Variants in AP2M1 observed in about 807,000 individuals in gnomAD.
AP2M1 encodes the protein AP-2 complex subunit mu.
Under a neutral mutation model 54.5 loss-of-function variants are expected in AP2M1, and 5 were observed. The observed-to-expected ratio is 0.09, with a 90% CI of 0.05 to 0.19. The LOEUF (loss-of-function observed/expected upper bound fraction) is 0.19. Ranked by LOEUF, AP2M1 falls within the 10% of genes least tolerant of loss-of-function variation. The pLI is 1.00. For missense variants in AP2M1, 178 were observed against 580.2 expected, an observed-to-expected ratio of 0.31 and a Z score of 7.12; for synonymous variants, 186 against 208.2, an observed-to-expected ratio of 0.89 and a Z score of 0.92.
rs953700262 is a variant in AP2M1, at chr3:184,182,341, G to A, written c.1061+93G>A. 1.5e-6 allele frequency: 2 copies of A among 1,366,744 alleles called. No homozygotes were observed. The highest frequency in any genetic ancestry group is 2.4e-5 in the Admixed American group (1 of 42,494). 84.7% of individuals were successfully genotyped at this position (1,366,744 alleles called of 1,614,324 possible). On this transcript the variant is annotated intron_variant, in intron 10 of 11. Coordinates refer to ENST00000292807, the MANE Select transcript of AP2M1 (RefSeq NM_004068.4). This position sits in a 1 kb window ranked among gnomAD's most constrained non-coding sequence, Gnocchi z 5.5. ...TGATCCTTCTGAATGAGGGGCAGGG[G>A]AGTGTGCCTGTTTGCTTTTCTAGGA...
In AP2M1 at chr3:184,180,370, G is replaced by A; in HGVS notation, c.423+119G>A. 1 of 1,311,134 alleles carries A rather than the reference G, an allele frequency of 7.6e-7. No individual in the cohort carries two copies. The highest frequency in any genetic ancestry group is 1.1e-6 in the Non-Finnish European group (1 of 945,920). 81.2% of individuals were successfully genotyped at this position (1,311,134 alleles called of 1,614,324 possible). ...CTCCCATGACAGGAAGTGCTGGCCT[G>A]AGCCTCCTGCCATGATTGCAGGCCG... On this transcript the variant is annotated intron_variant, in intron 4 of 11. Coordinates refer to ENST00000292807, the MANE Select transcript of AP2M1 (RefSeq NM_004068.4). This position sits in a 1 kb window ranked among gnomAD's most constrained non-coding sequence, Gnocchi z 4.9.
rs1048238597 is a variant in AP2M1, at chr3:184,181,396, G to C, written c.707+170G>C. 3 of 1,070,902 alleles carry C rather than the reference G, an allele frequency of 2.8e-6. No homozygotes were observed. Among genetic ancestry groups the C allele is most frequent in the Non-Finnish European group, 1.3e-6 (1 of 748,540 alleles). 66.3% of individuals were successfully genotyped at this position (1,070,902 alleles called of 1,614,324 possible). On this transcript the variant is annotated intron_variant, in intron 7 of 11. Transcript: ENST00000292807. The surrounding 1 kb of genome is among the most constrained non-coding windows in gnomAD (Gnocchi z 5.7). Reference sequence around the variant, plus strand: ...ACATTAGTGCTACGAGAGATGAGGGGATCGTCCTCAGAGAGCAAGCCCCTT... The same window carrying C: ...ACATTAGTGCTACGAGAGATGAGGGCATCGTCCTCAGAGAGCAAGCCCCTT...
In AP2M1 at chr3:184,183,368, C is replaced by T; in HGVS notation, c.1174-114C>T. ...ACGCCGCCCCAGCTTCTTTCAGGAC[C>T]CCAGCCATACAAACACCTGTAGTAG... On this transcript the variant is annotated intron_variant, in intron 11 of 11. Transcript: ENST00000292807. This position sits in a 1 kb window ranked among gnomAD's most constrained non-coding sequence, Gnocchi z 5.7. 7 of 1,506,326 alleles carry T rather than the reference C, an allele frequency of 4.6e-6. No individual in the cohort carries two copies. Among genetic ancestry groups the T allele is most frequent in the Non-Finnish European group, 6.3e-6 (7 of 1,117,572 alleles). The allele number at this position is 1,506,326 out of a possible 1,614,324, so 93.3% of individuals were successfully genotyped here.
In AP2M1 at chr3:184,178,199, A is replaced by G; in HGVS notation, c.75-658A>G. On this transcript the variant is annotated intron_variant, in intron 2 of 11. Coordinates refer to ENST00000292807, the MANE Select transcript of AP2M1 (RefSeq NM_004068.4). This position sits in a 1 kb window ranked among gnomAD's most constrained non-coding sequence, Gnocchi z 4.9. The stretch of plus-strand genomic sequence containing the variant: ...TTGCTGGCGTCATTTCTCTCATCCC[A>G]TCTCATTGGCTGCCGTAGCAATAGG... The G allele has an allele frequency of 6.5e-7, 1 of 1,535,684 alleles. No individual in the cohort carries two copies. Among genetic ancestry groups the G allele is most frequent in the South Asian group, 1.2e-5 (1 of 84,030 alleles).
At position 184,183,846 on chromosome 3, in the gene AP2M1, T is replaced by C. The variant is rs919332280; in HGVS notation, c.*230T>C. On this transcript the variant is annotated 3_prime_UTR_variant, in exon 12 of 12. Coordinates refer to ENST00000292807, the MANE Select transcript of AP2M1 (RefSeq NM_004068.4). This position sits in a 1 kb window ranked among gnomAD's most constrained non-coding sequence, Gnocchi z 5.7. ...AGGCTCCTGCTCTCCCATCCACCTG[T>C]CTGTCCTGGCCTAATGCCAGGCTCT... The C allele has an allele frequency of 1.0e-4, 53 of 522,560 alleles. No individual in the cohort carries two copies. Among genetic ancestry groups the C allele is most frequent in the Non-Finnish European group, 1.8e-4 (51 of 290,202 alleles). 32.4% of individuals were successfully genotyped at this position (522,560 alleles called of 1,614,324 possible).
intron 1 of AP2M1, 102 bp downstream of exon 1, chr3:184,175,061 G>A (rs1715016594): frequency 2.5e-6 from 1 of 397,318 alleles, no homozygotes; most frequent in Non-Finnish European, 4.4e-6. Context: ...GCGGAAAGCT[G>A]CCCACACCCG....
rs1004641134 is a variant in AP2M1 at position 184,180,771 on chromosome 3, G to A, written c.430-78G>A. The A allele has an allele frequency of 1.2e-6, 2 of 1,614,034 alleles. No individual in the cohort carries two copies. The highest frequency in any genetic ancestry group is 1.7e-5 in the Admixed American group (1 of 60,016). Reference sequence around the variant, plus strand: ...GGACTAGAAGGGATGGGGAATGAGGGTGGAGTGGGGATAGAGACAGGATGA... The same window carrying A: ...GGACTAGAAGGGATGGGGAATGAGGATGGAGTGGGGATAGAGACAGGATGA... On this transcript the variant is annotated intron_variant, in intron 5 of 11. Coordinates refer to ENST00000292807, the MANE Select transcript of AP2M1 (RefSeq NM_004068.4). The surrounding 1 kb of genome is among the most constrained non-coding windows in gnomAD (Gnocchi z 4.9).
Position 184,181,481 on chromosome 3 carries a change from C to A in AP2M1, c.708-215C>A. 1.2e-6 allele frequency: 1 copy of A among 815,268 alleles called. No homozygotes were observed. The highest frequency in any genetic ancestry group is 2.7e-5 in the East Asian group (1 of 37,182). The allele number at this position is 815,268 out of a possible 1,614,324, so 50.5% of individuals were successfully genotyped here. A position where few individuals can be genotyped will look rare whatever the true frequency, so the allele number is the denominator to read the frequency against. On this transcript the variant is annotated intron_variant, in intron 7 of 11. Coordinates refer to ENST00000292807, the MANE Select transcript of AP2M1 (RefSeq NM_004068.4). This position sits in a 1 kb window ranked among gnomAD's most constrained non-coding sequence, Gnocchi z 5.7. ...ATACTGACAGCCTCTGCCCAGTGTG[C>A]CTGAAACACCCAGGTCCCTAGCAGA...
At position 184,181,402 on chromosome 3, in the gene AP2M1, C is replaced by T. The variant is rs1372870845; in HGVS notation, c.707+176C>T. Reference sequence around the variant, plus strand: ...GTGCTACGAGAGATGAGGGGATCGTCCTCAGAGAGCAAGCCCCTTTGTTTG... The same window carrying T: ...GTGCTACGAGAGATGAGGGGATCGTTCTCAGAGAGCAAGCCCCTTTGTTTG... On this transcript the variant is annotated intron_variant, in intron 7 of 11. Transcript: ENST00000292807. The surrounding 1 kb of genome is among the most constrained non-coding windows in gnomAD (Gnocchi z 5.7). The T allele has an allele frequency of 9.9e-7, 1 of 1,011,464 alleles. No homozygotes were observed. The highest frequency in any genetic ancestry group is 1.6e-5 in the African/African-American group (1 of 61,454). 62.7% of individuals were successfully genotyped at this position (1,011,464 alleles called of 1,614,324 possible).
intron 1 of AP2M1, among the ~76,000 whole-genome samples, chr3:184,175,677 TGGCTTTCACTGAA>T (rs1715050986): frequency 6.6e-6 from 1 of 152,150 alleles, no homozygotes; most frequent in East Asian, 1.9e-4. Flanking sequence ...GGACGCTGCC[TGGCTTTCACTGAA>T]GGTCTTTCCC....
rs1314294341 is a variant in AP2M1 at position 184,182,540 on chromosome 3, C to T, written c.1062-217C>T. 1.3e-5 allele frequency among the ~76,000 whole-genome samples: 2 copies of T among 152,014 alleles called. No individual in the cohort carries two copies. The highest frequency in any genetic ancestry group is 2.9e-5 in the Non-Finnish European group (2 of 67,992). ...GTATCTGTGAAGCAGACAAAGCAAA[C>T]GATAGCATGTCCAAGTGTCTAGGCA... On this transcript the variant is annotated intron_variant, in intron 10 of 11. Coordinates refer to ENST00000292807, the MANE Select transcript of AP2M1 (RefSeq NM_004068.4). The surrounding 1 kb of genome is among the most constrained non-coding windows in gnomAD (Gnocchi z 5.5).
At chr3:184,175,407 C>T (rs1335741349) in intron 1 of AP2M1, among the ~76,000 whole-genome samples, 1 of 152,154 alleles carries the variant, frequency 6.6e-6, no homozygotes, top group African/African-American at 2.4e-5. Context: ...GCTCTTCTTC[C>T]TTAGACCTGT....
Position 184,178,511 on chromosome 3 carries a change from G to A in AP2M1, c.75-346G>A, listed in dbSNP as rs892087535. 6.6e-6 allele frequency among the ~76,000 whole-genome samples: 1 copy of A among 152,266 alleles called. No individual in the cohort carries two copies. The highest frequency in any genetic ancestry group is 2.4e-5 in the African/African-American group (1 of 41,470). ...TCTGTCCTGGACCTGGGAGCTTACA[G>A]GGAAGCTAGATAAAGCTGGGAAATT... On this transcript the variant is annotated intron_variant, in intron 2 of 11. Transcript: ENST00000292807. The surrounding 1 kb of genome is among the most constrained non-coding windows in gnomAD (Gnocchi z 4.9).
Position 184,183,394 on chromosome 3 carries a change from C to T in AP2M1, c.1174-88C>T, listed in dbSNP as rs971269996. On this transcript the variant is annotated intron_variant, in intron 11 of 11. Transcript: ENST00000292807. The surrounding 1 kb of genome is among the most constrained non-coding windows in gnomAD (Gnocchi z 5.7). ...CCAGCCATACAAACACCTGTAGTAG[C>T]GATGAAGTAGGGCAGGGCAACGGGA... The T allele has an allele frequency of 5.7e-6, 9 of 1,570,870 alleles. No individual in the cohort carries two copies. The highest frequency in any genetic ancestry group is 2.2e-4 in the Middle Eastern group (1 of 4,624).
Position 184,180,084 on chromosome 3 carries a change from C to T in AP2M1, c.341-85C>T. 7.8e-7 allele frequency: 1 copy of T among 1,277,076 alleles called. No individual in the cohort carries two copies. Among genetic ancestry groups the T allele is most frequent in the Non-Finnish European group, 1.1e-6 (1 of 885,700 alleles). 79.1% of individuals were successfully genotyped at this position (1,277,076 alleles called of 1,614,324 possible). On this transcript the variant is annotated intron_variant, in intron 3 of 11. Coordinates refer to ENST00000292807, the MANE Select transcript of AP2M1 (RefSeq NM_004068.4). The surrounding 1 kb of genome is among the most constrained non-coding windows in gnomAD (Gnocchi z 4.9). The stretch of plus-strand genomic sequence containing the variant: ...GATGATCCCACATGGGCTTTGGGAG[C>T]TGTGCCGGTCAGATGTGTAGGCCCA...
chr3:184,177,173 A>G (rs1715101791), intron 2 of AP2M1, 106 bp downstream of exon 2: 4 of 1,140,510 alleles, frequency 3.5e-6, no homozygotes, highest in Admixed American at 2.3e-5. Context: ...GGCCACCCTG[A>G]CCCCTGGCTG....
At position 184,180,564 on chromosome 3, in the gene AP2M1, T is replaced by A; in HGVS notation, c.424-81T>A. On this transcript the variant is annotated intron_variant, in intron 4 of 11. Transcript: ENST00000292807. This position sits in a 1 kb window ranked among gnomAD's most constrained non-coding sequence, Gnocchi z 4.9. ...CGAGCTTGGGCCCTCTCCTCTAGGA[T>A]CCAAGCCTCATAGCTTTCTCCTCCT... 1.9e-6 allele frequency: 3 copies of A among 1,608,468 alleles called. No individual in the cohort carries two copies. The highest frequency in any genetic ancestry group is 2.5e-6 in the Non-Finnish European group (3 of 1,177,056).
intron 1 of AP2M1, 184 bp downstream of exon 1, chr3:184,175,143 G>A (rs1339898322): frequency 2.5e-6 from 1 of 395,232 alleles, no homozygotes; most frequent in African/African-American, 2.1e-5. Flanking sequence ...GCGATTGCAG[G>A]GCTGGCGGGG....
chr3:184,183,713 T>C lies in AP2M1; in HGVS notation c.*97T>C. On this transcript the variant is annotated 3_prime_UTR_variant, in exon 12 of 12. Coordinates refer to ENST00000292807, the MANE Select transcript of AP2M1 (RefSeq NM_004068.4). The surrounding 1 kb of genome is among the most constrained non-coding windows in gnomAD (Gnocchi z 5.7). ...CCACACATCAGTGTCTCCTCCCTCC[T>C]GCTTTGCTGCCTTCCCTTTGCACCA... is the stretch of plus-strand genomic sequence containing the variant. The C allele has an allele frequency of 3.6e-6, 5 of 1,388,274 alleles. No homozygotes were observed. The South Asian group carries it at 5.0e-5, about 14-fold the overall frequency. 86.0% of individuals were successfully genotyped at this position (1,388,274 alleles called of 1,614,324 possible).
Sources: allele counts gnomAD v4.1 joint callset (sites outside exome capture counted in the v4.1 genomes callset), GRCh38; gene constraint gnomAD v4.1.1; non-coding constraint Gnocchi (gnomAD v3.1); transcripts MANE v1.5; gene names NCBI Gene and HGNC (gene_info 2026-07-23, HGNC 2026-07-21).